The following SH3KBP1 variants were observed in gnomAD, a reference collection of about 807,000 sequenced individuals.
SH3KBP1 encodes SH3 domain-containing kinase-binding protein 1.
In SH3KBP1, 8 loss-of-function variants were observed where a neutral mutation model predicts 50.1. That is an observed-to-expected ratio of 0.16 (90% CI 0.09 to 0.29). The LOEUF is 0.29. SH3KBP1 is among the 10% of genes least tolerant of loss of function. The pLI, the probability that SH3KBP1 is intolerant of heterozygous loss-of-function variation, is 1.00. For missense variants in SH3KBP1, 377 were observed against 535.2 expected, an observed-to-expected ratio of 0.70 and a Z score of 2.92; for synonymous variants, 227 against 218.6, an observed-to-expected ratio of 1.04 and a Z score of -0.34.
chrX:19,646,493 C>T (rs1015987253), intron 6 of SH3KBP1, among the ~76,000 whole-genome samples: 5 of 112,000 alleles, frequency 4.5e-5, no homozygotes, highest in African/African-American at 9.7e-5. Flanking sequence ...GTCACGACCA[C>T]GTAGCTGGGG....
chrX:19,543,014 G>C (rs2064976415), intron 15 of SH3KBP1, among the ~76,000 whole-genome samples: 1 of 112,262 alleles, frequency 8.9e-6, no homozygotes, highest in African/African-American at 3.2e-5. Flanking sequence ...ACGTAAGCTA[G>C]AAGCGGTCAG....
At chrX:19,634,243 A>T (rs920567246) in intron 7 of SH3KBP1, among the ~76,000 whole-genome samples, 1 of 109,756 alleles carries the variant, frequency 9.1e-6, no homozygotes, top group Non-Finnish European at 1.9e-5. Flanking sequence ...TGCCCCTGCC[A>T]TTCTCCTTTT....
intron 2 of SH3KBP1, among the ~76,000 whole-genome samples, chrX:19,764,912 G>C (rs1312741358): frequency 1.9e-5 from 2 of 104,619 alleles, no homozygotes; most frequent in African/African-American, 7.1e-5. Flanking sequence ...GGGTTCAAGC[G>C]ATTCTTCTGC....
chrX:19,691,338 C>CTT (rs2063284368), intron 5 of SH3KBP1, among the ~76,000 whole-genome samples: 1 of 95,337 alleles, frequency 1.0e-5, no homozygotes, highest in African/African-American at 4.0e-5. Context: ...CTCTCTCTCT[C>CTT]TCTCTCTCTC....
chrX:19,776,831 G>A, intron 2 of SH3KBP1, among the ~76,000 whole-genome samples: 1 of 110,504 alleles, frequency 9.0e-6, no homozygotes, highest in Non-Finnish European at 1.9e-5. Flanking sequence ...CAGGATGACA[G>A]GTGTGAGCCA....
intron 7 of SH3KBP1, among the ~76,000 whole-genome samples, chrX:19,635,221 A>C (rs1268407334): frequency 8.9e-6 from 1 of 112,110 alleles, no homozygotes; most frequent in East Asian, 2.8e-4. Context: ...CATATACACC[A>C]TGGAATACTA....
chrX:19,806,629 G>A (rs1004970689), intron 2 of SH3KBP1, among the ~76,000 whole-genome samples: 2 of 111,318 alleles, frequency 1.8e-5, no homozygotes, highest in African/African-American at 3.3e-5. Flanking sequence ...TTGCCCTCAC[G>A]GTATTAATAC....
intron 2 of SH3KBP1, among the ~76,000 whole-genome samples, chrX:19,802,120 C>T (rs1255498284): frequency 9.2e-6 from 1 of 108,944 alleles, no homozygotes; most frequent in Non-Finnish European, 1.9e-5. Flanking sequence ...AGGCTCAGTG[C>T]GGTGGCTCAT....
chrX:19,537,661 A>T, intron 17 of SH3KBP1, 56 bp downstream of exon 17: 1 of 981,939 alleles, frequency 1.0e-6, no homozygotes, highest in Non-Finnish European at 1.4e-6. Flanking sequence ...AGCCCTCACA[A>T]TGTCCTGCCC....
At chrX:19,645,798 G>C (rs1193286090) in intron 6 of SH3KBP1, among the ~76,000 whole-genome samples, 3 of 112,049 alleles carry the variant, frequency 2.7e-5, no homozygotes, top group African/African-American at 9.7e-5. Context: ...TTTATGAGAA[G>C]CTGACTCAGT....
chrX:19,569,160 C>T lies in SH3KBP1; in HGVS notation c.1327G>A (p.Gly443Ser), dbSNP rs200272242. The T allele has an allele frequency of 1.7e-5, 20 of 1,209,514 alleles. No individual in the cohort carries two copies. The East Asian group carries it at 1.8e-4, about 11-fold the overall frequency. ...RGDSPKIDLA[G>S]SSLSGILDKD... ...TCCAGGATGCCAGATAGCGAACTGC[C>T]GGCCAAGTCAATCTTTGGACTGTCA... is the stretch of plus-strand genomic sequence containing the variant. The change falls in exon 13 of 18, where the codon GGC becomes AGC. Residue 443 changes from glycine to serine, a missense_variant. By Grantham distance (56) the Gly-to-Ser change is moderately conservative. Coordinates refer to ENST00000397821, the MANE Select transcript of SH3KBP1 (RefSeq NM_031892.3).
At chrX:19,589,080 C>T (rs768549284) in intron 11 of SH3KBP1, among the ~76,000 whole-genome samples, 1 of 112,197 alleles carries the variant, frequency 8.9e-6, no homozygotes, top group Admixed American at 9.4e-5. Context: ...GCTCTTCCTT[C>T]GAAGCCTGGC....
At chrX:19,575,761 G>GT (rs1160659942) in intron 12 of SH3KBP1, among the ~76,000 whole-genome samples, 4 of 112,172 alleles carry the variant, frequency 3.6e-5, no homozygotes, top group Middle Eastern at 8.3e-3. Context: ...GCCTTTCACT[G>GT]TATTTATAGA....
At chrX:19,721,087 C>T (rs772303611) in intron 3 of SH3KBP1, among the ~76,000 whole-genome samples, 1 of 110,837 alleles carries the variant, frequency 9.0e-6, no homozygotes, top group South Asian at 3.8e-4. Context: ...AATATAGTTT[C>T]CCTTCTCATC....
intron 9 of SH3KBP1, among the ~76,000 whole-genome samples, chrX:19,604,912 T>G (rs1157166738): frequency 8.9e-6 from 1 of 112,088 alleles, no homozygotes; most frequent in East Asian, 2.8e-4. Context: ...TTGTTTCCCT[T>G]AAATTGGGTT....
At chrX:19,866,769 T>G (rs1054136398) in intron 1 of SH3KBP1, among the ~76,000 whole-genome samples, 11 of 110,937 alleles carry the variant, frequency 9.9e-5, no homozygotes, top group African/African-American at 3.0e-4. Context: ...TTCTCATACA[T>G]ACAGCAGAAG....
At chrX:19,728,371 A>C (rs2064285184) in intron 3 of SH3KBP1, among the ~76,000 whole-genome samples, 2 of 112,100 alleles carry the variant, frequency 1.8e-5, no homozygotes, top group African/African-American at 3.2e-5. Flanking sequence ...AAGCATGCTG[A>C]GCTGAAGGCA....
chrX:19,617,146 C>T (rs1325187684), intron 8 of SH3KBP1, among the ~76,000 whole-genome samples: 1 of 112,409 alleles, frequency 8.9e-6, no homozygotes, highest in African/African-American at 3.2e-5. Flanking sequence ...GCTCCACTGC[C>T]CTGTGCTGCA....
intron 4 of SH3KBP1, 34 bp downstream of exon 4, chrX:19,706,847 C>T (rs747917902): frequency 3.2e-5 from 34 of 1,078,210 alleles, no homozygotes; most frequent in South Asian, 1.1e-4. Context: ...ACAGCCCATT[C>T]GAGGCCATTG....
Sources: allele counts gnomAD v4.1 joint callset (sites outside exome capture counted in the v4.1 genomes callset), GRCh38; gene constraint gnomAD v4.1.1; transcripts MANE v1.5; gene names NCBI Gene and HGNC (gene_info 2026-07-23, HGNC 2026-07-21).